The following SCN11A variants were observed in gnomAD, a reference collection of about 807,000 sequenced individuals.
The protein encoded by SCN11A is sodium voltage-gated channel alpha subunit 11, also known as sodium channel protein type 11 subunit alpha.
A neutral mutation model predicts 162.2 loss-of-function variants in SCN11A; 122 were observed. The observed-to-expected ratio is 0.75, with a 90% CI of 0.65 to 0.87. SCN11A has a LOEUF of 0.87. SCN11A is among the 40% of genes least tolerant of loss of function. SCN11A has a pLI of 0.00. For missense variants in SCN11A, 2,015 were observed against 2,181.6 expected, an observed-to-expected ratio of 0.92 and a Z score of 1.52; for synonymous variants, 758 against 751.5, an observed-to-expected ratio of 1.01 and a Z score of -0.14.
chr3:38,973,281 C>T (rs1050712263), intron 2 of SCN11A, among the ~76,000 whole-genome samples: 1 of 152,022 alleles, frequency 6.6e-6, no homozygotes, highest in Non-Finnish European at 1.5e-5. Flanking sequence ...TTTGAATACA[C>T]TTTTGAATAA....
chr3:38,955,978 G>A (rs13074716), intron 3 of SCN11A, among the ~76,000 whole-genome samples: 27,241 of 152,208 alleles, frequency 0.18, 3,171 homozygotes, highest in African/African-American at 0.33. Context: ...CGGGTATGGT[G>A]TCTCATGCCT....
chr3:38,873,837 T>C (rs1178294308), intron 23 of SCN11A, among the ~76,000 whole-genome samples: 1 of 152,234 alleles, frequency 6.6e-6, no homozygotes, highest in Admixed American at 6.5e-5. Context: ...TTTATCACTC[T>C]GCACTGTTTT....
Position 38,883,226 on chromosome 3 carries a change from G to C in SCN11A, c.3219+7C>G. The stretch of plus-strand genomic sequence containing the variant: ...CCCAATGTCTCCACAAGACAATGAT[G>C]ATTTACCAGTGCCCCACTGCTCAGC... On this transcript the variant is annotated splice_region_variant and intron_variant, in intron 22 of 29. Transcript: ENST00000302328. 6.2e-7 allele frequency: 1 copy of C among 1,610,526 alleles called. No individual in the cohort carries two copies. The highest frequency in any genetic ancestry group is 8.5e-7 in the Non-Finnish European group (1 of 1,178,066).
chr3:38,917,744 A>T (rs958887938), intron 11 of SCN11A, among the ~76,000 whole-genome samples: 1 of 152,194 alleles, frequency 6.6e-6, no homozygotes, highest in Non-Finnish European at 1.5e-5. Context: ...TGATGAAATA[A>T]TCTGTACACA....
chr3:38,903,769 G>C, intron 16 of SCN11A, 96 bp downstream of exon 16: 1 of 920,316 alleles, frequency 1.1e-6, no homozygotes, highest in Non-Finnish European at 1.6e-6. Context: ...CAAAAACCTA[G>C]GTTAGGTTAG....
intron 16 of SCN11A, among the ~76,000 whole-genome samples, chr3:38,902,475 G>A (rs887063216): frequency 1.3e-5 from 2 of 152,058 alleles, no homozygotes; most frequent in African/African-American, 4.8e-5. Context: ...CTTGTGGAGG[G>A]ATGTGGAACT....
rs1325744309 is a variant in SCN11A at position 38,987,299 on chromosome 3, TCTCTCA to T, written c.-279-26882_-279-26877del. On this transcript the variant is annotated intron_variant, in intron 2 of 29. Transcript: ENST00000302328. ...GCCTTTCTCTCTCTCTCTCTCTCTC[TCTCTCA>T]CACACACACACACACACACACACAC... Among the ~76,000 whole-genome samples the T allele has an allele frequency of 5.7e-3, 637 of 111,694 alleles. 2 individuals carry two copies. Among genetic ancestry groups the T allele is most frequent in the African/African-American group, 0.027 (597 of 21,882 alleles). 73.3% of individuals were successfully genotyped at this position (111,694 alleles called of 152,430 possible). A position where few individuals can be genotyped will look rare whatever the true frequency, so the allele number is the denominator to read the frequency against.
In SCN11A at chr3:38,921,114, G is replaced by C. The variant is rs765170928; in HGVS notation, c.854C>G (p.Ser285Trp). 3 of 1,614,050 alleles carry C rather than the reference G, an allele frequency of 1.9e-6. No homozygotes were observed. Among genetic ancestry groups the C allele is most frequent in the Non-Finnish European group, 2.5e-6 (3 of 1,179,936 alleles). Residue 285 changes from serine to tryptophan, a missense_variant, in exon 10 of 30, where the codon TCG becomes TGG. Ser to Trp is a radical substitution (Grantham distance 177). Transcript: ENST00000302328. ...GTTACTGATATTTTTACAGTCCCTC[G>C]AGATGCATTTCAGGTTCAGACTTCC... ...FMGSLNLKCI[S>W]RDCKNISNPE... is the part of the protein sequence containing the mutation.
At chr3:39,018,224 C>CT (rs759365521) in intron 2 of SCN11A, among the ~76,000 whole-genome samples, 3 of 152,214 alleles carry the variant, frequency 2.0e-5, no homozygotes, top group African/African-American at 4.8e-5. Context: ...CAGGTTGATT[C>CT]TTCACACACA....
intron 28 of SCN11A, among the ~76,000 whole-genome samples, chr3:38,856,038 C>T (rs570163020): frequency 1.3e-5 from 2 of 152,258 alleles, no homozygotes; most frequent in African/African-American, 4.8e-5. Context: ...AGGGGATCAC[C>T]CTGTGGGACA....
intron 7 of SCN11A, among the ~76,000 whole-genome samples, chr3:38,933,484 T>G (rs2066278585): frequency 6.6e-6 from 1 of 152,168 alleles, no homozygotes; most frequent in Non-Finnish European, 1.5e-5. Flanking sequence ...GAAAAAAATT[T>G]AGACGAAAGT....
intron 2 of SCN11A, among the ~76,000 whole-genome samples, chr3:38,961,423 A>G (rs2066739952): frequency 6.6e-6 from 1 of 152,230 alleles, no homozygotes; most frequent in African/African-American, 2.4e-5. Flanking sequence ...CTAAGCCAAC[A>G]CCCAGGTCCT....
At position 38,950,539 on chromosome 3, in the gene SCN11A, C is replaced by A. The variant is rs572233634; in HGVS notation, c.-7-170G>T. ...TGGCTGTGAAGATCAGAAGAGATGA[C>A]CACCACTGTGGGTATAGCAGGAACT... is the stretch of plus-strand genomic sequence containing the variant. On this transcript the variant is annotated intron_variant, in intron 4 of 29. Coordinates refer to ENST00000302328, the MANE Select transcript of SCN11A (RefSeq NM_001349253.2). 6.2e-6 allele frequency: 4 copies of A among 648,600 alleles called. No homozygotes were observed. In the African/African-American group the frequency reaches 7.3e-5, roughly 12 times the overall value. The allele number at this position is 648,600 out of a possible 1,614,324, so 40.2% of individuals were successfully genotyped here.
intron 19 of SCN11A, among the ~76,000 whole-genome samples, chr3:38,887,425 C>T (rs1009453458): frequency 7.3e-5 from 9 of 123,772 alleles, no homozygotes; most frequent in African/African-American, 1.6e-4. Context: ...CCCCGCATTC[C>T]GGGACTGTTG....
chr3:38,940,477 T>C (rs2066424542), intron 7 of SCN11A, among the ~76,000 whole-genome samples: 1 of 152,178 alleles, frequency 6.6e-6, no homozygotes, highest in Non-Finnish European at 1.5e-5. Flanking sequence ...TTCTGGCATA[T>C]GAAAACGCAG....
intron 2 of SCN11A, among the ~76,000 whole-genome samples, chr3:38,995,134 T>C (rs2030581263): frequency 7.7e-6 from 1 of 129,498 alleles, no homozygotes. Context: ...ATTTAAGAAC[T>C]TTTTTTTTTT....
chr3:38,853,519 G>C (rs951206257), intron 28 of SCN11A, among the ~76,000 whole-genome samples: 2 of 152,178 alleles, frequency 1.3e-5, no homozygotes, highest in Non-Finnish European at 2.9e-5. Context: ...CCTTGGCCCT[G>C]ACATTCATTG....
intron 2 of SCN11A, among the ~76,000 whole-genome samples, chr3:39,018,792 T>C (rs954816894): frequency 6.6e-6 from 1 of 152,188 alleles, no homozygotes; most frequent in Non-Finnish European, 1.5e-5. Context: ...CACTCCAGCC[T>C]GGGTGACAGA....
intron 3 of SCN11A, among the ~76,000 whole-genome samples, chr3:38,959,761 A>G (rs943918215): frequency 1.1e-4 from 17 of 152,236 alleles, no homozygotes; most frequent in African/African-American, 4.1e-4. Context: ...TTCCCTCTTC[A>G]TAGATCCCAT....
Sources: allele counts gnomAD v4.1 joint callset (sites outside exome capture counted in the v4.1 genomes callset), GRCh38; gene constraint gnomAD v4.1.1; transcripts MANE v1.5; gene names NCBI Gene and HGNC (gene_info 2026-07-23, HGNC 2026-07-21).